Variants in DPP6 observed in about 807,000 individuals in gnomAD.
DPP6 encodes the protein dipeptidyl peptidase like 6.
A neutral mutation model predicts 122.6 loss-of-function variants in DPP6; 69 were observed. The observed-to-expected ratio is 0.56, with a 90% CI of 0.46 to 0.69. The LOEUF (loss-of-function observed/expected upper bound fraction) is 0.69, where lower values mean the gene tolerates loss of function less well. Among genes scored for constraint, DPP6 ranks in the 30% least tolerant of loss-of-function variants. The pLI is 0.00. For synonymous variants in DPP6, 418 were observed against 433.1 expected (o/e 0.97, Z 0.43); for missense variants, 928 against 1,116.9 (o/e 0.83, Z 2.41).
chr7:154,814,034 C>A (rs921697728), intron 16 of DPP6, among the ~76,000 whole-genome samples: 1 of 151,926 alleles, frequency 6.6e-6, no homozygotes, highest in African/African-American at 2.4e-5. Context: ...GCGCCAACCA[C>A]CACACCCAGC....
chr7:153,795,999 T>C, the DPP6 span, among the ~76,000 whole-genome samples: 5 of 150,114 alleles, frequency 3.3e-5, no homozygotes, highest in South Asian at 8.7e-4. Context: ...ACTTTAACCC[T>C]TTTAAATTTA....
chr7:154,492,129 T>G (rs1824329909), intron 3 of DPP6, among the ~76,000 whole-genome samples: 1 of 152,170 alleles, frequency 6.6e-6, no homozygotes. Context: ...CAAAGGCAAA[T>G]AAGACAAGCT....
chr7:154,449,313 A>C (rs935439337), intron 2 of DPP6, among the ~76,000 whole-genome samples: 4 of 152,246 alleles, frequency 2.6e-5, no homozygotes, highest in Non-Finnish European at 5.9e-5. Context: ...GCCAAAAAGC[A>C]TATGAAAAGA....
intron 17 of DPP6, among the ~76,000 whole-genome samples, chr7:154,860,934 C>A (rs533687987): frequency 6.6e-6 from 1 of 152,112 alleles, no homozygotes; most frequent in South Asian, 2.1e-4. Context: ...CTCTTTCCTG[C>A]AGATCATATG....
chr7:154,168,054 A>G (rs2150722195), intron 1 of DPP6, among the ~76,000 whole-genome samples: 1 of 152,326 alleles, frequency 6.6e-6, no homozygotes, highest in East Asian at 1.9e-4. Context: ...AGGCAGAGGC[A>G]GACACTGAGG....
chr7:153,916,135 G>GT lies in DPP6; in HGVS notation c.51+28412dup, dbSNP rs75604145. On this transcript the variant is annotated intron_variant, in intron 1 of 25. Transcript: ENST00000404039. Reference sequence around the variant, plus strand: ...GCGCCCGCCACTGCGCCTGGCTAATGTTTTTTTTTTTGTATTTTTAGTAGA... The same window carrying GT: ...GCGCCCGCCACTGCGCCTGGCTAATGTTTTTTTTTTTTGTATTTTTAGTAGA... 7.6e-3 allele frequency among the ~76,000 whole-genome samples: 1,087 copies of GT among 142,916 alleles called. 11 individuals carry two copies. Among genetic ancestry groups the GT allele is most frequent in the Middle Eastern group, 0.03 (8 of 270 alleles). 93.8% of individuals were successfully genotyped at this position (142,916 alleles called of 152,430 possible).
chr7:154,054,453 C>T (rs1800649370), intron 1 of DPP6, among the ~76,000 whole-genome samples: 1 of 151,916 alleles, frequency 6.6e-6, no homozygotes, highest in Non-Finnish European at 1.5e-5. Flanking sequence ...ATGGAGATCA[C>T]AAAACTTTGT....
intron 1 of DPP6, among the ~76,000 whole-genome samples, chr7:153,995,341 C>A (rs1465411250): frequency 6.6e-6 from 1 of 152,128 alleles, no homozygotes. Flanking sequence ...AATCCCAGCA[C>A]TTTGGGAGGC....
At chr7:154,461,958 TC>T (rs1780924463) in intron 2 of DPP6, among the ~76,000 whole-genome samples, 1 of 152,174 alleles carries the variant, frequency 6.6e-6, no homozygotes, top group African/African-American at 2.4e-5. Context: ...CTGGAGAGTT[TC>T]CCCAATTTTT....
At chr7:154,431,808 C>G (rs1406672432) in intron 1 of DPP6, among the ~76,000 whole-genome samples, 1 of 152,148 alleles carries the variant, frequency 6.6e-6, no homozygotes, top group Non-Finnish European at 1.5e-5. Flanking sequence ...GCTGGGATTA[C>G]AGGCGAGAGC....
At chr7:154,213,103 A>G (rs1434939030) in intron 1 of DPP6, among the ~76,000 whole-genome samples, 1 of 152,130 alleles carries the variant, frequency 6.6e-6, no homozygotes, top group Non-Finnish European at 1.5e-5. Flanking sequence ...GGAGGATGCC[A>G]CCTGCTCTGA....
chr7:154,545,285 T>TC (rs1258074475), intron 4 of DPP6, among the ~76,000 whole-genome samples: 1 of 152,226 alleles, frequency 6.6e-6, no homozygotes, highest in Non-Finnish European at 1.5e-5. Flanking sequence ...TATCTTGTTT[T>TC]TTTTTCCTAA....
At position 154,060,784 on chromosome 7, in the gene DPP6, C is replaced by T. The variant is rs1445923434; in HGVS notation, c.243+7721C>T. Among the ~76,000 whole-genome samples, 13 of 131,162 alleles carry T rather than the reference C, an allele frequency of 9.9e-5. No individual in the cohort carries two copies. In the South Asian group the frequency reaches 2.8e-3, roughly 29 times the overall value. 86.0% of individuals were successfully genotyped at this position (131,162 alleles called of 152,430 possible). The stretch of plus-strand genomic sequence containing the variant: ...CCTCTTCCCCCCCTGGCTCTTAGGA[C>T]GCCCATCACAGGAGGGGGACGCACC... On this transcript the variant is annotated intron_variant, in intron 1 of 25. Transcript: ENST00000377770.
intron 16 of DPP6, among the ~76,000 whole-genome samples, chr7:154,810,469 C>T (rs1254374262): frequency 6.6e-6 from 1 of 152,164 alleles, no homozygotes; most frequent in Non-Finnish European, 1.5e-5. Context: ...TAGGGTGGCT[C>T]CTGTGCGGAT....
At position 154,794,170 on chromosome 7, in the gene DPP6, C is replaced by A; in HGVS notation, c.1228C>A (p.Leu410Ile). ...GGCGCAGAACGTGTCCATCCTCACC[C>A]TCTGCGACGCCACCACGGGGGTCTG... Reference protein sequence around the residue: ...NRAQNVSILTLCDATTGVCTK... With the variant: ...NRAQNVSILTICDATTGVCTK... Residue 410 changes from leucine to isoleucine, a missense_variant, in exon 11 of 26, where the codon CTC becomes ATC. By Grantham distance (5) the Leu-to-Ile change is conservative. Coordinates refer to ENST00000377770, the MANE Select transcript of DPP6 (RefSeq NM_130797.4). 6.2e-7 allele frequency: 1 copy of A among 1,611,882 alleles called. No homozygotes were observed. The highest frequency in any genetic ancestry group is 8.5e-7 in the Non-Finnish European group (1 of 1,179,000).
the DPP6 span, among the ~76,000 whole-genome samples, chr7:153,801,501 C>T: frequency 1.3e-5 from 2 of 152,042 alleles, no homozygotes; most frequent in Admixed American, 6.5e-5. Context: ...TCAAGCTGCC[C>T]AGCTGTGCAC....
intron 1 of DPP6, among the ~76,000 whole-genome samples, chr7:154,433,410 C>T (rs903244125): frequency 1.3e-5 from 2 of 151,502 alleles, no homozygotes; most frequent in African/African-American, 2.4e-5. Flanking sequence ...CTCAGGTGAT[C>T]CGGCCGCCTC....
chr7:154,126,431 A>G (rs188490178), intron 1 of DPP6, among the ~76,000 whole-genome samples: 63 of 152,064 alleles, frequency 4.1e-4, no homozygotes, highest in African/African-American at 1.4e-3. Context: ...GGAAACCTGG[A>G]TGTGCTGTCA....
Position 154,647,643 on chromosome 7 carries a change from C to T in DPP6, c.680+9770C>T, listed in dbSNP as rs550949672. ...GGTGAGCTCCGGTCTTCACCTTAAC[C>T]GCGCATGTTTGCATTGCGGGGAATC... On this transcript the variant is annotated intron_variant, in intron 6 of 25. Coordinates refer to ENST00000377770, the MANE Select transcript of DPP6 (RefSeq NM_130797.4). Among the ~76,000 whole-genome samples, 63 of 152,292 alleles carry T rather than the reference C, an allele frequency of 4.1e-4. 2 individuals carry two copies. In the South Asian group the frequency reaches 0.011, roughly 28 times the overall value.
Sources: allele counts gnomAD v4.1 joint callset (sites outside exome capture counted in the v4.1 genomes callset), GRCh38; gene constraint gnomAD v4.1.1; transcripts MANE v1.5; gene names NCBI Gene and HGNC (gene_info 2026-07-23, HGNC 2026-07-21).